The following PTPRO variants were observed in gnomAD, a reference collection of about 807,000 sequenced individuals.
PTPRO encodes receptor-type tyrosine-protein phosphatase O.
A neutral mutation model predicts 145.2 loss-of-function variants in PTPRO; 62 were observed. The ratio of observed to expected loss-of-function variants is 0.43; its 90% CI spans 0.35 to 0.53. The LOEUF is 0.53. Ranked by LOEUF, PTPRO falls within the 20% of genes least tolerant of loss-of-function variation. The pLI is 0.01. For synonymous variants in PTPRO, 565 were observed against 514.7 expected (o/e 1.10, Z -1.32); for missense variants, 1,345 against 1,482.7 (o/e 0.91, Z 1.53).
intron 12 of PTPRO, among the ~76,000 whole-genome samples, chr12:15,526,606 A>T (rs1302935685): frequency 6.6e-6 from 1 of 152,184 alleles, no homozygotes; most frequent in Non-Finnish European, 1.5e-5. Flanking sequence ...AATATTATGT[A>T]ATGCTCTCTT....
chr12:15,363,283 G>C (rs1472417506), intron 1 of PTPRO, among the ~76,000 whole-genome samples: 1 of 152,046 alleles, frequency 6.6e-6, no homozygotes. Context: ...CTTCTCCAGG[G>C]ACAAAAGAAA....
intron 1 of PTPRO, among the ~76,000 whole-genome samples, chr12:15,337,146 T>C (rs985815833): frequency 6.6e-6 from 1 of 152,156 alleles, no homozygotes; most frequent in Non-Finnish European, 1.5e-5. Context: ...GGAAGAAATA[T>C]TTTATAGCAG....
At chr12:15,530,207 C>G (rs116179960) in intron 12 of PTPRO, among the ~76,000 whole-genome samples, 135 of 152,296 alleles carry the variant, frequency 8.9e-4, no homozygotes, top group African/African-American at 2.9e-3. Flanking sequence ...GCACCCAACA[C>G]TGGAGCTCCT....
chr12:15,551,413 C>A, intron 14 of PTPRO, 138 bp from the exon 15 acceptor site: 2 of 1,148,386 alleles, frequency 1.7e-6, no homozygotes, highest in Non-Finnish European at 2.6e-6. Context: ...TCATTGCTGG[C>A]TTGGGGAACA....
chr12:15,544,846 A>G (rs1173737693), intron 12 of PTPRO, among the ~76,000 whole-genome samples: 2 of 152,230 alleles, frequency 1.3e-5, no homozygotes, highest in Non-Finnish European at 2.9e-5. Context: ...AAGTGGGACA[A>G]TACAATGCCT....
chr12:15,560,438 A>G (rs1943744597), intron 17 of PTPRO, among the ~76,000 whole-genome samples, 162 bp downstream of exon 17: 1 of 152,142 alleles, frequency 6.6e-6, no homozygotes, highest in Non-Finnish European at 1.5e-5. Context: ...CGGTACAAAG[A>G]TATTAACTAT....
At chr12:15,334,302 T>C (rs1047063949) in intron 1 of PTPRO, among the ~76,000 whole-genome samples, 1 of 152,220 alleles carries the variant, frequency 6.6e-6, no homozygotes, top group African/African-American at 2.4e-5. Flanking sequence ...TAAAATTCCA[T>C]TACGTAACTT....
Position 15,515,463 on chromosome 12 carries a change from C to T in PTPRO, c.1465-35C>T, listed in dbSNP as rs372094226. The T allele has an allele frequency of 7.4e-6, 12 of 1,611,694 alleles. No homozygotes were observed. The African/African-American group carries it at 1.2e-4, about 16-fold the overall frequency. ...TCTGTGTAACATTCTGAAATCCCAG[C>T]TCTAAATAAATCTTATTGGGTGTTT... On this transcript the variant is annotated intron_variant, in intron 7 of 26. Transcript: ENST00000281171.
chr12:15,471,141 A>G (rs1418074202), intron 1 of PTPRO, among the ~76,000 whole-genome samples: 1 of 152,144 alleles, frequency 6.6e-6, no homozygotes, highest in Non-Finnish European at 1.5e-5. Flanking sequence ...TCTATTGGGA[A>G]GCTGAGGTGG....
intron 2 of PTPRO, among the ~76,000 whole-genome samples, chr12:15,492,536 T>C (rs143866460): frequency 1.8e-4 from 27 of 152,082 alleles, no homozygotes; most frequent in African/African-American, 5.8e-4. Flanking sequence ...GATGTGACCC[T>C]ATCTCAAAAA....
At chr12:15,538,890 T>C (rs1170200589) in intron 12 of PTPRO, among the ~76,000 whole-genome samples, 2 of 152,224 alleles carry the variant, frequency 1.3e-5, no homozygotes, top group Non-Finnish European at 2.9e-5. Context: ...TCAGACCCTC[T>C]GAATTCCAGC....
intron 1 of PTPRO, among the ~76,000 whole-genome samples, chr12:15,473,400 C>T (rs1483155559): frequency 6.6e-6 from 1 of 152,124 alleles, no homozygotes; most frequent in Non-Finnish European, 1.5e-5. Context: ...GCCCTGTGAA[C>T]AAAACATCCG....
At chr12:15,386,470 A>C (rs571457247) in intron 1 of PTPRO, among the ~76,000 whole-genome samples, 1 of 152,108 alleles carries the variant, frequency 6.6e-6, no homozygotes, top group East Asian at 1.9e-4. Flanking sequence ...ATACATATAC[A>C]TATATCTGAT....
intron 18 of PTPRO, 99 bp from the exon 19 acceptor site, chr12:15,569,318 T>C: frequency 3.5e-6 from 4 of 1,157,874 alleles, no homozygotes; most frequent in Non-Finnish European, 5.0e-6. Context: ...AAAACTTCTA[T>C]TTTCTCCAAG....
chr12:15,516,793 A>T lies in PTPRO; in HGVS notation c.1616A>T (p.Tyr539Phe). Residue 539 changes from tyrosine to phenylalanine, a missense_variant, in exon 9 of 27, where the codon TAT (tyrosine) becomes TTT (phenylalanine). By Grantham distance (22) the Tyr-to-Phe change is conservative. This residue lies in a region of PTPRO where 1,130 missense variants were observed against 1,214.7 expected (regional missense o/e 0.93). Transcript: ENST00000281171. ...VPTGIKDLMLYPLGPTAVVLS... is the reference protein window; with the variant it reads ...VPTGIKDLMLFPLGPTAVVLS... ...ACAGGAATAAAGGATTTAATGCTCT[A>T]TCCTTTGGGTCCTACGGCCGTGGTT... The T allele has an allele frequency of 6.2e-7, 1 of 1,611,130 alleles. No individual in the cohort carries two copies. The highest frequency in any genetic ancestry group is 1.3e-5 in the African/African-American group (1 of 74,952).
intron 1 of PTPRO, among the ~76,000 whole-genome samples, chr12:15,407,244 A>T (rs1939672430): frequency 1.3e-5 from 2 of 152,154 alleles, no homozygotes. Flanking sequence ...TATTTAGAAA[A>T]GTCTAAGGAC....
intron 12 of PTPRO, among the ~76,000 whole-genome samples, chr12:15,532,186 A>T (rs2136540576): frequency 6.6e-6 from 1 of 152,302 alleles, no homozygotes; most frequent in Non-Finnish European, 1.5e-5. Flanking sequence ...AAAATTGTAT[A>T]GGTAATTTGG....
At chr12:15,487,406 A>T (rs749178334) in intron 2 of PTPRO, among the ~76,000 whole-genome samples, 1 of 152,078 alleles carries the variant, frequency 6.6e-6, no homozygotes, top group Non-Finnish European at 1.5e-5. Flanking sequence ...GTTTCTATTC[A>T]TCCTTCAAAA....
In PTPRO at chr12:15,374,067, C is replaced by G. The variant is rs565791901; in HGVS notation, c.75+51266C>G. Among the ~76,000 whole-genome samples the G allele has an allele frequency of 6.6e-5, 10 of 152,282 alleles. No homozygotes were observed. In the East Asian group the frequency reaches 1.9e-3, roughly 29 times the overall value. ...TAAGTAGAGAGCATGATGATTAGTA[C>G]AGACATTTGCTAACAACGGCTTTGA... On this transcript the variant is annotated intron_variant, in intron 1 of 26. Transcript: ENST00000281171.
Sources: allele counts gnomAD v4.1 joint callset (sites outside exome capture counted in the v4.1 genomes callset), GRCh38; gene constraint gnomAD v4.1.1; regional missense constraint gnomAD v4.1.1; transcripts MANE v1.5; gene names NCBI Gene and HGNC (gene_info 2026-07-23, HGNC 2026-07-21).